NSD3: variants seen among roughly 807,000 people sequenced by gnomAD.
NSD3 encodes histone-lysine N-methyltransferase NSD3.
A neutral mutation model predicts 160.8 loss-of-function variants in NSD3; 24 were observed. That is an observed-to-expected ratio of 0.15 (90% confidence interval 0.11 to 0.21). The LOEUF (loss-of-function observed/expected upper bound fraction) is 0.21. Among genes scored for constraint, NSD3 ranks in the 10% least tolerant of loss-of-function variants. The pLI, the probability that NSD3 is intolerant of heterozygous loss-of-function variation, is 1.00. For missense variants in NSD3, 1,157 were observed against 1,735.9 expected, an observed-to-expected ratio of 0.67 and a Z score of 5.93; for synonymous variants, 520 against 600.0, an observed-to-expected ratio of 0.87 and a Z score of 1.95.
At chr8:38,290,721 CAAAA>C (rs769589391) in intron 16 of NSD3, 44 bp from the exon 17 acceptor site, 7 of 1,588,288 alleles carry the variant, frequency 4.4e-6, no homozygotes, top group Non-Finnish European at 6.0e-6. Flanking sequence ...AAAAACGAAA[CAAAA>C]AACCACTATT....
intron 16 of NSD3, 25 bp from the exon 17 acceptor site, chr8:38,290,702 C>A: frequency 6.2e-7 from 1 of 1,609,088 alleles, no homozygotes; most frequent in South Asian, 1.1e-5. Flanking sequence ...AATTTTAGAT[C>A]AAGAGGGCAA....
chr8:38,281,840 T>C (rs969316938), intron 19 of NSD3, among the ~76,000 whole-genome samples: 5 of 152,232 alleles, frequency 3.3e-5, no homozygotes, highest in Non-Finnish European at 7.3e-5. Context: ...ATGTGGGGCA[T>C]TGCTGGGATC....
chr8:38,305,548 T>C (rs998673182), intron 12 of NSD3, 103 bp from the exon 13 acceptor site: 7 of 1,014,918 alleles, frequency 6.9e-6, no homozygotes, highest in Non-Finnish European at 9.9e-6. Context: ...ACAGACTCTA[T>C]TACTATACTT....
intron 12 of NSD3, among the ~76,000 whole-genome samples, chr8:38,307,135 A>AAAAAT (rs1554524057): frequency 1.1e-5 from 1 of 93,658 alleles, no homozygotes; most frequent in African/African-American, 4.0e-5. Context: ...AAAATAAAAT[A>AAAAAT]AAATAAATAA....
chr8:38,328,904 G>A (rs768133069), intron 6 of NSD3, among the ~76,000 whole-genome samples: 6 of 152,130 alleles, frequency 3.9e-5, no homozygotes, highest in Non-Finnish European at 5.9e-5. Context: ...TCTCTGAAAG[G>A]CAGTTAGATA....
chr8:38,303,290 C>T (rs903375805), intron 14 of NSD3: 1 of 985,268 alleles, frequency 1.0e-6, no homozygotes, highest in Admixed American at 6.1e-5. Flanking sequence ...CAATGAGTGA[C>T]ACCTTTTTAT....
chr8:38,361,571 C>A (rs1329345780), intron 1 of NSD3, among the ~76,000 whole-genome samples: 1 of 149,966 alleles, frequency 6.7e-6, no homozygotes, highest in Non-Finnish European at 1.5e-5. Flanking sequence ...CTGGCTAACA[C>A]GGTGAAACCC....
intron 1 of NSD3, among the ~76,000 whole-genome samples, chr8:38,358,259 T>C (rs1810872536): frequency 6.6e-6 from 1 of 152,122 alleles, no homozygotes. Flanking sequence ...ACTTGATAGA[T>C]GTACATGAGA....
In NSD3 at chr8:38,307,135, A is replaced by AAAT. The variant is rs377601237; in HGVS notation, c.2243-1691_2243-1690insATT. Reference sequence around the variant, plus strand: ...GTCTCAAAAAAAAAAAAAATAAAATAAAATAAATAAATAAATAAATAAATA... The same window carrying AAAT: ...GTCTCAAAAAAAAAAAAAATAAAATAAATAAATAAATAAATAAATAAATAAATA... On this transcript the variant is annotated intron_variant, in intron 12 of 23. Coordinates refer to ENST00000317025, the MANE Select transcript of NSD3 (RefSeq NM_023034.2). 3.8e-3 allele frequency among the ~76,000 whole-genome samples: 352 copies of AAAT among 93,658 alleles called. 3 individuals carry two copies. Among genetic ancestry groups the AAAT allele is most frequent in the East Asian group, 0.033 (91 of 2,778 alleles). 61.4% of individuals were successfully genotyped at this position (93,658 alleles called of 152,430 possible). A position where few individuals can be genotyped will look rare whatever the true frequency, so the allele number is the denominator to read the frequency against.
chr8:38,380,736 A>C (rs939416541), intron 1 of NSD3: 1 of 152,182 alleles, frequency 6.6e-6, no homozygotes, highest in Non-Finnish European at 1.5e-5. Context: ...CGTAAGGGGA[A>C]AAGAGTTCAT....
rs1209890096 is a variant in NSD3 at position 38,317,642 on chromosome 8, G to C, written c.1855+1253C>G. 1 of 1,192,170 alleles carries C rather than the reference G, an allele frequency of 8.4e-7. No individual in the cohort carries two copies. Among genetic ancestry groups the C allele is most frequent in the Non-Finnish European group, 1.0e-6 (1 of 955,666 alleles). The allele number at this position is 1,192,170 out of a possible 1,614,324, so 73.8% of individuals were successfully genotyped here. ...CAAACCCCTGCAGATGTGCATTAAT[G>C]ATGCTTTATTTAAAAACAAAAAACC... On this transcript the variant is annotated intron_variant, in intron 9 of 23. Coordinates refer to ENST00000317025, the MANE Select transcript of NSD3 (RefSeq NM_023034.2). The surrounding 1 kb of genome is among the most constrained non-coding windows in gnomAD (Gnocchi z 5.3).
intron 6 of NSD3, among the ~76,000 whole-genome samples, chr8:38,328,926 T>C (rs1054229889): frequency 2.6e-5 from 4 of 152,194 alleles, no homozygotes; most frequent in Non-Finnish European, 5.9e-5. Flanking sequence ...CGCAAGCCCA[T>C]AAGAATCTAA....
chr8:38,307,134 T>A (rs199795825), intron 12 of NSD3, among the ~76,000 whole-genome samples: 3,232 of 140,156 alleles, frequency 0.023, 66 homozygotes, highest in African/African-American at 0.033. Context: ...AAAAATAAAA[T>A]AAAATAAATA....
At chr8:38,296,056 G>T in intron 15 of NSD3, 104 bp from the exon 16 acceptor site, 1 of 1,194,800 alleles carries the variant, frequency 8.4e-7, no homozygotes, top group Non-Finnish European at 1.1e-6. Context: ...GTTTCAAATT[G>T]GGGGAAAATA....
rs904756323 is a variant in NSD3, at chr8:38,274,551, C to G, written c.*1090G>C. 1.3e-5 allele frequency: 2 copies of G among 152,138 alleles called. No homozygotes were observed. Among genetic ancestry groups the G allele is most frequent in the African/African-American group, 4.8e-5 (2 of 41,420 alleles). The allele number at this position is 152,138 out of a possible 1,614,324, so 9.4% of individuals were successfully genotyped here. A position where few individuals can be genotyped will look rare whatever the true frequency, so the allele number is the denominator to read the frequency against. On this transcript the variant is annotated 3_prime_UTR_variant, in exon 24 of 24. Coordinates refer to ENST00000317025, the MANE Select transcript of NSD3 (RefSeq NM_023034.2). ...TCACCCCCCAAATTAGGAACTCAAC[C>G]AAAAAGATCTATTCAAATACAATTC...
At chr8:38,306,450 C>T (rs1280031507) in intron 12 of NSD3, among the ~76,000 whole-genome samples, 1 of 151,922 alleles carries the variant, frequency 6.6e-6, no homozygotes, top group Non-Finnish European at 1.5e-5. Context: ...GATGGCTCCA[C>T]TGGTGAATAT....
intron 16 of NSD3, among the ~76,000 whole-genome samples, chr8:38,294,093 T>G (rs1043967211): frequency 2.0e-5 from 3 of 152,140 alleles, no homozygotes; most frequent in African/African-American, 7.2e-5. Context: ...TGTTTTTTTG[T>G]TGTTGTTTTT....
intron 19 of NSD3, among the ~76,000 whole-genome samples, chr8:38,283,752 C>T (rs1318433784): frequency 6.6e-6 from 1 of 152,128 alleles, no homozygotes; most frequent in East Asian, 1.9e-4. Flanking sequence ...CAAAGGTGAC[C>T]ACTGGCTTTT....
At chr8:38,303,343 A>T in intron 14 of NSD3, 2 of 985,458 alleles carry the variant, frequency 2.0e-6, no homozygotes, top group Non-Finnish European at 2.4e-6. Flanking sequence ...GAAACATTTC[A>T]GACCTACTCC....
Sources: gnomAD v4.1 joint callset for allele counts (sites outside exome capture counted in the v4.1 genomes callset) on GRCh38, gnomAD v4.1.1 for gene constraint, Gnocchi (gnomAD v3.1) non-coding constraint, MANE v1.5 for transcripts, NCBI Gene and HGNC (gene_info 2026-07-23, HGNC 2026-07-21) for gene names.